TRPM3: variants seen among roughly 807,000 people sequenced by gnomAD.
TRPM3 encodes the protein transient receptor potential cation channel subfamily M member 3, also known as long transient receptor potential channel 3.
TRPM3 carries 77 observed loss-of-function variants against 181.2 expected under a neutral mutation model. The ratio of observed to expected loss-of-function variants is 0.42; its 90% CI spans 0.35 to 0.51. The LOEUF is 0.51. Among genes scored for constraint, TRPM3 ranks in the 20% least tolerant of loss-of-function variants. The pLI, the probability that TRPM3 is intolerant of heterozygous loss-of-function variation, is 0.01. For synonymous variants in TRPM3, 745 were observed against 796.4 expected (o/e 0.94, Z 1.09); for missense variants, 1,759 against 2,196.7 (o/e 0.80, Z 3.98).
intron 1 of TRPM3, among the ~76,000 whole-genome samples, chr9:71,268,965 C>A (rs559673920): frequency 1.6e-3 from 247 of 152,254 alleles, no homozygotes; most frequent in African/African-American, 5.7e-3. Context: ...TCAGCCAGAG[C>A]AAACCATGTA....
chr9:71,051,518 C>T (rs1473609542), intron 1 of TRPM3, among the ~76,000 whole-genome samples: 2 of 152,126 alleles, frequency 1.3e-5, no homozygotes, highest in African/African-American at 4.8e-5. Context: ...TCATCCTCCA[C>T]CCATAGCATG....
intron 1 of TRPM3, among the ~76,000 whole-genome samples, chr9:70,924,713 T>C (rs2096702886): frequency 6.6e-6 from 1 of 152,148 alleles, no homozygotes; most frequent in African/African-American, 2.4e-5. Context: ...TAAGCTAAAA[T>C]TTGACATGTT....
At chr9:71,025,842 T>C (rs2097891643) in intron 1 of TRPM3, among the ~76,000 whole-genome samples, 1 of 152,048 alleles carries the variant, frequency 6.6e-6, no homozygotes, top group African/African-American at 2.4e-5. Flanking sequence ...GGAAGACTGG[T>C]GAACTCAGAG....
At chr9:71,369,735 G>A (rs1347929411) in intron 1 of TRPM3, among the ~76,000 whole-genome samples, 2 of 152,160 alleles carry the variant, frequency 1.3e-5, no homozygotes, top group African/African-American at 4.8e-5. Context: ...TGTTTACTTT[G>A]TAAATATCAT....
intron 1 of TRPM3, among the ~76,000 whole-genome samples, chr9:71,243,243 T>C (rs950317332): frequency 2.6e-5 from 4 of 152,344 alleles, no homozygotes; most frequent in African/African-American, 9.6e-5. Flanking sequence ...GGTTTCACCA[T>C]GTTGGCCAGG....
At chr9:71,142,290 A>C (rs775814106) in intron 1 of TRPM3, among the ~76,000 whole-genome samples, 1 of 152,090 alleles carries the variant, frequency 6.6e-6, no homozygotes. Context: ...CTCTCTTTGC[A>C]ATGGTTTCCA....
chr9:71,272,099 C>A (rs2083845629), intron 1 of TRPM3, among the ~76,000 whole-genome samples: 1 of 152,122 alleles, frequency 6.6e-6, no homozygotes, highest in Non-Finnish European at 1.5e-5. Flanking sequence ...GGCAAATAAA[C>A]CCCGCAGGTA....
intron 1 of TRPM3, among the ~76,000 whole-genome samples, chr9:71,341,487 A>G (rs1565479926): frequency 6.6e-6 from 1 of 152,114 alleles, no homozygotes; most frequent in Non-Finnish European, 1.5e-5. Flanking sequence ...TTCACTGGAA[A>G]ACTACAGACG....
chr9:71,099,335 T>C (rs1446447988), intron 1 of TRPM3, among the ~76,000 whole-genome samples: 1 of 152,140 alleles, frequency 6.6e-6, no homozygotes, highest in Non-Finnish European at 1.5e-5. Context: ...AGATTCCACC[T>C]TCTAATATCA....
chr9:70,784,098 T>C lies in TRPM3; in HGVS notation c.1148+7A>G, dbSNP rs747922571. On this transcript the variant is annotated splice_region_variant and intron_variant, in intron 7 of 25. Coordinates refer to ENST00000677713, the MANE Select transcript of TRPM3 (RefSeq NM_001366145.2). Reference sequence around the variant, plus strand: ...GGTTCTTCCATGGGGCCTGGAAAGTTACCTACCCGCCTTCTTCTGAGTATT... The same window carrying C: ...GGTTCTTCCATGGGGCCTGGAAAGTCACCTACCCGCCTTCTTCTGAGTATT... 9 of 1,611,476 alleles carry C rather than the reference T, an allele frequency of 5.6e-6. No individual in the cohort carries two copies. The highest frequency in any genetic ancestry group is 7.6e-6 in the Non-Finnish European group (9 of 1,178,548).
chr9:71,187,088 C>T (rs934977456), intron 1 of TRPM3, among the ~76,000 whole-genome samples: 2 of 152,012 alleles, frequency 1.3e-5, no homozygotes, highest in Middle Eastern at 3.4e-3. Context: ...AATGAACTCA[C>T]GAAATCTTTA....
intron 9 of TRPM3, among the ~76,000 whole-genome samples, chr9:70,652,691 T>A (rs4745021): frequency 0.88 from 133,738 of 152,212 alleles, 58,860 homozygotes; most frequent in Non-Finnish European, 0.91. Context: ...TAACTCACAG[T>A]ATCAGGCTTT....
rs2069535941 is a variant in TRPM3 at position 70,694,333 on chromosome 9, C to G, written c.1273-12755G>C. ...AGCTGGTGACTGGAGATCTTTTAAG[C>G]TCTAGAAGCCATAGATTTTCTTTCC... On this transcript the variant is annotated intron_variant, in intron 8 of 25. Transcript: ENST00000677713. 2.0e-5 allele frequency among the ~76,000 whole-genome samples: 3 copies of G among 152,146 alleles called. No homozygotes were observed. In the South Asian group the frequency reaches 6.2e-4, roughly 32 times the overall value.
intron 1 of TRPM3, among the ~76,000 whole-genome samples, chr9:71,019,942 A>G (rs2097828690): frequency 6.6e-6 from 1 of 152,138 alleles, no homozygotes; most frequent in African/African-American, 2.4e-5. Flanking sequence ...TAGGGAAGGG[A>G]TAGTCTTTTA....
At position 70,548,862 on chromosome 9, in the gene TRPM3, CT is replaced by C. The variant is rs1364069707; in HGVS notation, c.3707+679del. Among the ~76,000 whole-genome samples, 70 of 152,144 alleles carry C rather than the reference CT, an allele frequency of 4.6e-4. 1 individual carries two copies. The highest frequency in any genetic ancestry group is 4.3e-3 in the Admixed American group (65 of 15,270). On this transcript the variant is annotated intron_variant, in intron 25 of 25. Transcript: ENST00000677713. ...AAGATCTTGTGCTCTCTCTCTCTCT[CT>C]CTCTCTTTTTAATACGCTGAGGTGT...
At chr9:71,220,683 T>C (rs1013992456) in intron 1 of TRPM3, among the ~76,000 whole-genome samples, 3 of 152,146 alleles carry the variant, frequency 2.0e-5, no homozygotes, top group South Asian at 2.1e-4. Flanking sequence ...ACTTAAGTCA[T>C]TGTCTCCTTC....
chr9:70,608,531 A>G (rs1160090582), intron 19 of TRPM3, among the ~76,000 whole-genome samples: 1 of 152,150 alleles, frequency 6.6e-6, no homozygotes, highest in Non-Finnish European at 1.5e-5. Context: ...TGGGTGTGAA[A>G]TAGCTGCAAA....
At chr9:71,149,777 C>G (rs1465813302) in intron 1 of TRPM3, among the ~76,000 whole-genome samples, 2 of 151,864 alleles carry the variant, frequency 1.3e-5, no homozygotes, top group African/African-American at 4.8e-5. Context: ...AAGTTGAGAC[C>G]AGCCTGAGCA....
chr9:70,936,248 CA>C (rs1209646085), intron 1 of TRPM3, among the ~76,000 whole-genome samples: 9 of 152,104 alleles, frequency 5.9e-5, no homozygotes, highest in Admixed American at 4.6e-4. Context: ...AAAATATGAA[CA>C]ATAGTGTTGC....
Sources: gnomAD v4.1 joint callset for allele counts (sites outside exome capture counted in the v4.1 genomes callset) on GRCh38, gnomAD v4.1.1 for gene constraint, MANE v1.5 for transcripts, NCBI Gene and HGNC (gene_info 2026-07-23, HGNC 2026-07-21) for gene names.